Variants in GFRA1 observed in about 807,000 individuals in gnomAD.
GFRA1 encodes the protein GDNF family receptor alpha 1, also known as GDNF family receptor alpha-1.
A neutral mutation model predicts 51.6 loss-of-function variants in GFRA1; 16 were observed. The observed-to-expected ratio is 0.31, with a 90% CI of 0.21 to 0.47. The LOEUF (loss-of-function observed/expected upper bound fraction) is 0.47. Among genes scored for constraint, GFRA1 ranks in the 20% least tolerant of loss-of-function variants. The pLI is 1.00. For missense variants in GFRA1, 530 were observed against 594.3 expected (o/e 0.89, Z 1.13); for synonymous variants, 270 against 241.3 (o/e 1.12, Z -1.10).
intron 5 of GFRA1, among the ~76,000 whole-genome samples, chr10:116,209,937 G>C: frequency 6.6e-6 from 1 of 152,092 alleles, no homozygotes; most frequent in East Asian, 1.9e-4. Flanking sequence ...CCTTCCATTT[G>C]AAATCCGAGT....
At chr10:116,084,760 TAACA>T (rs1241318790) in intron 9 of GFRA1, among the ~76,000 whole-genome samples, 2 of 90,592 alleles carry the variant, frequency 2.2e-5, no homozygotes, top group African/African-American at 4.7e-5. Flanking sequence ...TTTAAATAAG[TAACA>T]CACACACACA....
At chr10:116,116,375 T>A (rs1957413854) in intron 6 of GFRA1, among the ~76,000 whole-genome samples, 1 of 152,264 alleles carries the variant, frequency 6.6e-6, no homozygotes, top group African/African-American at 2.4e-5. Context: ...ATGGATTATT[T>A]AGAGCTGGTT....
rs549679270 is a variant in GFRA1, at chr10:116,101,262, G to A, written c.771-4498C>T. 2.0e-5 allele frequency among the ~76,000 whole-genome samples: 3 copies of A among 152,302 alleles called. No homozygotes were observed. The East Asian group carries it at 5.8e-4, about 29-fold the overall frequency. ...AAGAAAGCTTGAATGTCCAGTATGG[G>A]ATTAACAAAGAAACTCCTCAACTGG... On this transcript the variant is annotated intron_variant, in intron 6 of 10. Transcript: ENST00000355422.
chr10:116,153,156 C>A (rs751810748), intron 5 of GFRA1, among the ~76,000 whole-genome samples: 1 of 152,214 alleles, frequency 6.6e-6, no homozygotes, highest in Non-Finnish European at 1.5e-5. Context: ...TTTAACACTA[C>A]AAAGCCAGTC....
At chr10:116,119,522 T>C (rs1957558860) in intron 6 of GFRA1, among the ~76,000 whole-genome samples, 1 of 152,354 alleles carries the variant, frequency 6.6e-6, no homozygotes, top group East Asian at 1.9e-4. Context: ...TTTCCATTTG[T>C]GAATGAATCA....
intron 5 of GFRA1, among the ~76,000 whole-genome samples, chr10:116,179,109 G>A (rs1390261469): frequency 6.6e-6 from 1 of 152,170 alleles, no homozygotes; most frequent in Non-Finnish European, 1.5e-5. Context: ...GTCCAGACGA[G>A]AAGACCAAAC....
intron 4 of GFRA1, chr10:116,255,667 T>C: frequency 7.8e-7 from 1 of 1,287,706 alleles, no homozygotes. Context: ...CACATTCCGG[T>C]CTCTGCCATC....
chr10:116,189,176 G>T (rs1963024386), intron 5 of GFRA1, among the ~76,000 whole-genome samples: 1 of 151,736 alleles, frequency 6.6e-6, no homozygotes, highest in African/African-American at 2.4e-5. Context: ...GCAGAAAAAT[G>T]GTTATGCCTC....
At position 116,059,144 on chromosome 10, in the gene GFRA1, A is replaced by G. The variant is rs544357087; in HGVS notation, c.*5254T>C. ...GCTCAATGCCAGGAATACGATGCCA[A>G]TAGGCCAGTTCTTGCTACCGTATGA... On this transcript the variant is annotated 3_prime_UTR_variant, in exon 11 of 11. Coordinates refer to ENST00000355422, the MANE Select transcript of GFRA1 (RefSeq NM_005264.8). 7 of 152,370 alleles carry G rather than the reference A, an allele frequency of 4.6e-5. No individual in the cohort carries two copies. The highest frequency in any genetic ancestry group is 1.5e-5 in the Non-Finnish European group (1 of 68,052). The allele number at this position is 152,370 out of a possible 1,614,324, so 9.4% of individuals were successfully genotyped here.
intron 5 of GFRA1, among the ~76,000 whole-genome samples, chr10:116,160,068 A>G (rs534668270): frequency 6.6e-6 from 1 of 152,376 alleles, no homozygotes; most frequent in Non-Finnish European, 1.5e-5. Flanking sequence ...AATCCCTGCT[A>G]TCAGCTTCAT....
rs372829201 is a variant in GFRA1, at chr10:116,271,034, C to G, written c.122G>C (p.Ser41Thr). 6.8e-6 allele frequency: 11 copies of G among 1,614,074 alleles called. No homozygotes were observed. In the African/African-American group the frequency reaches 8.0e-5, roughly 12 times the overall value. Reference protein sequence around the residue: ...KASDQCLKEQSCSTKYRTLRQ... With the variant: ...KASDQCLKEQTCSTKYRTLRQ... Reference sequence around the variant, plus strand: ...TAGCGTGCGGTACTTGGTGCTGCAGCTCTGCTCCTTCAGGCACTGATCACT... The same window carrying G: ...TAGCGTGCGGTACTTGGTGCTGCAGGTCTGCTCCTTCAGGCACTGATCACT... Residue 41 changes from serine (S) to threonine (T), a missense_variant, in exon 3 of 11, where the codon AGC becomes ACC. Physicochemically the swap from Ser to Thr is moderately conservative, Grantham distance 58. Transcript: ENST00000355422.
chr10:116,095,678 T>G (rs1316772143), intron 7 of GFRA1, among the ~76,000 whole-genome samples: 1 of 152,154 alleles, frequency 6.6e-6, no homozygotes, highest in Non-Finnish European at 1.5e-5. Flanking sequence ...CCATTATTGA[T>G]TTTCCCAAAG....
chr10:116,085,994 C>T (rs955365029), intron 9 of GFRA1, among the ~76,000 whole-genome samples: 1 of 152,186 alleles, frequency 6.6e-6, no homozygotes, highest in African/African-American at 2.4e-5. Context: ...AGAATCCCAG[C>T]TGTCCAAGGG....
At chr10:116,079,304 A>T (rs1355250527) in intron 9 of GFRA1, among the ~76,000 whole-genome samples, 2 of 152,096 alleles carry the variant, frequency 1.3e-5, no homozygotes, top group African/African-American at 2.4e-5. Flanking sequence ...GTATTTTGTT[A>T]TGACAGCCCA....
intron 5 of GFRA1, among the ~76,000 whole-genome samples, chr10:116,189,703 C>T (rs1432536189): frequency 6.6e-6 from 1 of 152,150 alleles, no homozygotes; most frequent in African/African-American, 2.4e-5. Flanking sequence ...CTGACTTCCA[C>T]TATTTTATTT....
chr10:116,089,992 C>T, intron 8 of GFRA1, 70 bp from the exon 9 acceptor site: 1 of 1,345,354 alleles, frequency 7.4e-7, no homozygotes, highest in Non-Finnish European at 1.0e-6. Flanking sequence ...ATATACACAG[C>T]CAGAGAGGCA....
chr10:116,168,557 C>G (rs962723241), intron 5 of GFRA1, among the ~76,000 whole-genome samples: 27 of 152,182 alleles, frequency 1.8e-4, no homozygotes, highest in African/African-American at 5.8e-4. Flanking sequence ...ACTTGCTCAT[C>G]AGGCCACAGG....
At chr10:116,166,812 T>TTTG (rs1960487736) in intron 5 of GFRA1, among the ~76,000 whole-genome samples, 3 of 43,546 alleles carry the variant, frequency 6.9e-5, no homozygotes, top group Non-Finnish European at 1.5e-4. Flanking sequence ...TTTTTTTTTT[T>TTTG]TTGTTGAGAC....
chr10:116,173,820 T>C (rs954673771), intron 5 of GFRA1, among the ~76,000 whole-genome samples: 1 of 152,154 alleles, frequency 6.6e-6, no homozygotes, highest in African/African-American at 2.4e-5. Context: ...CTTACGCCTG[T>C]AATCCCAGCA....
Sources: gnomAD v4.1 joint callset for allele counts (sites outside exome capture counted in the v4.1 genomes callset) on GRCh38, gnomAD v4.1.1 for gene constraint, MANE v1.5 for transcripts, NCBI Gene and HGNC (gene_info 2026-07-23, HGNC 2026-07-21) for gene names.